The following ZSWIM4 variants were observed in gnomAD, a reference collection of about 807,000 sequenced individuals.
ZSWIM4 encodes the protein zinc finger SWIM-type containing 4, also known as zinc finger SWIM domain-containing protein 4.
ZSWIM4 carries 62 observed loss-of-function variants against 102.5 expected under a neutral mutation model. The ratio of observed to expected loss-of-function variants is 0.60; its 90% confidence interval spans 0.49 to 0.75. The LOEUF is 0.75. Ranked by LOEUF, ZSWIM4 falls within the 30% of genes least tolerant of loss-of-function variation. The pLI is 0.00. For missense variants in ZSWIM4, 1,280 were observed against 1,529.6 expected (o/e 0.84, Z 2.72); for synonymous variants, 652 against 674.5 (o/e 0.97, Z 0.52).
Position 13,811,802 on chromosome 19 carries a change from G to A in ZSWIM4, c.1013-1195G>A, listed in dbSNP as rs1277225316. On this transcript the variant is annotated intron_variant, in intron 5 of 13. Transcript: ENST00000590508. The stretch of plus-strand genomic sequence containing the variant: ...TTAAAACTGGAAAAATAGGCCGGGT[G>A]CAGTGGCTCACACCTTAATTCCAGC... Among the ~76,000 whole-genome samples the A allele has an allele frequency of 3.3e-5, 5 of 152,144 alleles. No individual in the cohort carries two copies. The East Asian group carries it at 5.8e-4, about 18-fold the overall frequency.
intron 3 of ZSWIM4, among the ~76,000 whole-genome samples, chr19:13,807,570 A>AGATG (rs56365536): frequency 0.46 from 65,233 of 140,728 alleles, 15,497 homozygotes; most frequent in South Asian, 0.52. Flanking sequence ...GTTTTGGGCA[A>AGATG]GATGGATGGA....
At chr19:13,810,068 C>T (rs1568332867) in intron 5 of ZSWIM4, among the ~76,000 whole-genome samples, 1 of 151,232 alleles carries the variant, frequency 6.6e-6, no homozygotes, top group Non-Finnish European at 1.5e-5. Context: ...TATCTTGGCT[C>T]ACTGCAAGCT....
chr19:13,812,851 G>A lies in ZSWIM4; in HGVS notation c.1013-146G>A, dbSNP rs536601290. On this transcript the variant is annotated intron_variant, in intron 5 of 13. Transcript: ENST00000590508. Reference sequence around the variant, plus strand: ...TCTCTGTGCCTCAGTTTGCTTGTCTGTAAGGTGCAAAGGCTGCGAGTTGCA... The same window carrying A: ...TCTCTGTGCCTCAGTTTGCTTGTCTATAAGGTGCAAAGGCTGCGAGTTGCA... The A allele has an allele frequency of 1.4e-4, 106 of 780,496 alleles. No homozygotes were observed. In the African/African-American group the frequency reaches 1.4e-3, roughly 10 times the overall value. 48.3% of individuals were successfully genotyped at this position (780,496 alleles called of 1,614,324 possible). A position where few individuals can be genotyped will look rare whatever the true frequency, so the allele number is the denominator to read the frequency against.
chr19:13,810,649 A>G (rs144059287), intron 5 of ZSWIM4, among the ~76,000 whole-genome samples: 2,744 of 142,598 alleles, frequency 0.019, 81 homozygotes, highest in African/African-American at 0.069. Flanking sequence ...TTGCTCTGTC[A>G]CCCAAGCTGG....
chr19:13,815,520 G>T (rs1975251859), intron 7 of ZSWIM4, among the ~76,000 whole-genome samples: 1 of 133,402 alleles, frequency 7.5e-6, no homozygotes, highest in South Asian at 2.4e-4. Context: ...GCCCAGTCTG[G>T]AGTGCAGTGG....
Position 13,830,850 on chromosome 19 carries a change from A to G in ZSWIM4, c.3121A>G (p.Ile1041Val). Reference protein sequence around the residue: ...QLLDAAVTAYITTSHSRLTHI... With the variant: ...QLLDAAVTAYVTTSHSRLTHI... ...CCTGGACGCGGCAGTCACCGCCTAC[A>G]TCACCACCAGCCACTCGCGCCTCAC... Residue 1041 changes from isoleucine to valine, a missense_variant, in exon 14 of 14, where the codon ATC (isoleucine) becomes GTC (valine). By Grantham distance (29) the Ile-to-Val change is conservative (BLOSUM62 3). Coordinates refer to ENST00000590508, the MANE Select transcript of ZSWIM4 (RefSeq NM_001367834.3). The G allele has an allele frequency of 6.2e-7, 1 of 1,613,130 alleles. No homozygotes were observed. The highest frequency in any genetic ancestry group is 8.5e-7 in the Non-Finnish European group (1 of 1,179,482).
At chr19:13,812,271 T>A (rs1453792653) in intron 5 of ZSWIM4, among the ~76,000 whole-genome samples, 4 of 151,732 alleles carry the variant, frequency 2.6e-5, no homozygotes, top group Non-Finnish European at 4.4e-5. Flanking sequence ...GAGGCCTGGT[T>A]TTTTTGTTTG....
At chr19:13,807,580 A>G (rs1456930096) in intron 3 of ZSWIM4, among the ~76,000 whole-genome samples, 1 of 146,504 alleles carries the variant, frequency 6.8e-6, no homozygotes, top group African/African-American at 2.7e-5. Flanking sequence ...AGATGGATGG[A>G]TGGATGGATG....
chr19:13,811,007 A>G (rs111295285), intron 5 of ZSWIM4, among the ~76,000 whole-genome samples: 2,629 of 106,186 alleles, frequency 0.025, 80 homozygotes, highest in African/African-American at 0.09. Flanking sequence ...TCCGCCCCCC[A>G]GGTTCACGCT....
chr19:13,828,696 C>A lies in ZSWIM4; in HGVS notation c.2431C>A (p.Arg811Ser). Residue 811 changes from arginine (R) to serine (S), a missense_variant, in exon 13 of 14, where the codon CGC (arginine) becomes AGC (serine). Arg to Ser is a moderately radical substitution (Grantham distance 110). Coordinates refer to ENST00000590508, the MANE Select transcript of ZSWIM4 (RefSeq NM_001367834.3). The stretch of plus-strand genomic sequence containing the variant: ...GACCTGGCGGCGGAGGGAGATGGTG[C>A]GCTGGCTGGTCAGCTGTGCCACAGA... ...VMTWRRREMV[R>S]WLVSCATEIG... is the part of the protein sequence containing the mutation. The A allele has an allele frequency of 6.2e-7, 1 of 1,614,132 alleles. No homozygotes were observed. The highest frequency in any genetic ancestry group is 8.5e-7 in the Non-Finnish European group (1 of 1,180,012).
rs345633 is a variant in ZSWIM4 at position 13,824,138 on chromosome 19, G to T, written c.2215+638G>T. Among the ~76,000 whole-genome samples the T allele has an allele frequency of 1.6e-3, 247 of 152,088 alleles. 3 individuals carry two copies. The highest frequency in any genetic ancestry group is 5.7e-3 in the African/African-American group (236 of 41,472). On this transcript the variant is annotated intron_variant, in intron 11 of 13. Coordinates refer to ENST00000590508, the MANE Select transcript of ZSWIM4 (RefSeq NM_001367834.3). ...AGGGAGAGAGAGGAGTCAGGTGCCA[G>T]AGAGGAGAGAGAGAAGAAAGAGAAG...
In ZSWIM4 at chr19:13,800,942, G is replaced by C. The variant is rs187893386; in HGVS notation, c.355+1021G>C. Among the ~76,000 whole-genome samples, 131 of 152,236 alleles carry C rather than the reference G, an allele frequency of 8.6e-4. 1 individual carries two copies. Among genetic ancestry groups the C allele is most frequent in the African/African-American group, 3.1e-3 (129 of 41,548 alleles). On this transcript the variant is annotated intron_variant, in intron 2 of 13. Transcript: ENST00000590508. Reference sequence around the variant, plus strand: ...AGATCACTTGAGGCCAAGAGTTCAAGACCAGCCTGGGCAACACAATGAGAC... The same window carrying C: ...AGATCACTTGAGGCCAAGAGTTCAACACCAGCCTGGGCAACACAATGAGAC...
chr19:13,830,674 T>C lies in ZSWIM4; in HGVS notation c.2945T>C (p.Ile982Thr). Residue 982 changes from isoleucine (I) to threonine (T), a missense_variant, in exon 14 of 14, where the codon ATC becomes ACC. Transcript: ENST00000590508. The part of the protein sequence containing the change: ...HSLGRHELSA[I>T]VPLIIRSIHC... ...CTGGGCCGGCACGAGCTCTCTGCCA[T>C]CGTCCCCCTCATCATTCGCAGCATC... is the stretch of plus-strand genomic sequence containing the variant. 1 of 1,604,542 alleles carries C rather than the reference T, an allele frequency of 6.2e-7. No individual in the cohort carries two copies. The highest frequency in any genetic ancestry group is 1.1e-5 in the South Asian group (1 of 90,980).
Position 13,795,552 on chromosome 19 carries a change from A to C in ZSWIM4, c.-97A>C. 12 of 210,558 alleles carry C rather than the reference A, an allele frequency of 5.7e-5. No homozygotes were observed. The highest frequency in any genetic ancestry group is 1.1e-4 in the Non-Finnish European group (12 of 108,046). The allele number at this position is 210,558 out of a possible 1,614,324, so 13.0% of individuals were successfully genotyped here. ...GGCCGAGCGCAGAGGACGGACGGGA[A>C]GGAGGGCAGGGGGCGCGGGAGCCGG... On this transcript the variant is annotated 5_prime_UTR_variant, in exon 1 of 14. Coordinates refer to ENST00000590508, the MANE Select transcript of ZSWIM4 (RefSeq NM_001367834.3).
chr19:13,799,693 C>A, intron 1 of ZSWIM4, 27 bp from the exon 2 acceptor site: 1 of 1,611,324 alleles, frequency 6.2e-7, no homozygotes, highest in Non-Finnish European at 8.5e-7. Context: ...CAACCCCAGG[C>A]TCCTAACCCA....
chr19:13,816,078 G>A (rs539535606), intron 7 of ZSWIM4, among the ~76,000 whole-genome samples: 6 of 151,650 alleles, frequency 4.0e-5, no homozygotes, highest in African/African-American at 1.5e-4. Context: ...GAGGGAAGGA[G>A]GCTGTATGAG....
chr19:13,817,896 T>A lies in ZSWIM4; in HGVS notation c.1844T>A (p.Leu615Gln). 1 of 1,549,056 alleles carries A rather than the reference T, an allele frequency of 6.5e-7. No individual in the cohort carries two copies. The highest frequency in any genetic ancestry group is 1.4e-5 in the African/African-American group (1 of 73,212). ...AAGGTGGTGCGCAACGAGGAGCAGC[T>A]GCTGGCCCTGCTGGAGGAGGTGGAG... ...QDKVVRNEEQ[L>Q]LALLEEVELD... is the part of the protein sequence containing the mutation. The change falls in exon 9 of 14, where the codon CTG (leucine) becomes CAG (glutamine). Residue 615 changes from leucine to glutamine, a missense_variant. By Grantham distance (113) the Leu-to-Gln change is moderately radical. Coordinates refer to ENST00000590508, the MANE Select transcript of ZSWIM4 (RefSeq NM_001367834.3).
Position 13,830,351 on chromosome 19 carries a change from C to G in ZSWIM4, c.2622C>G (p.Thr874=). 1 of 1,613,308 alleles carries G rather than the reference C, an allele frequency of 6.2e-7. No homozygotes were observed. The highest frequency in any genetic ancestry group is 8.5e-7 in the Non-Finnish European group (1 of 1,180,000). Residue 874 remains threonine (T), a synonymous_variant, in exon 14 of 14, where the codon ACC becomes ACG. Transcript: ENST00000590508. ...RREELWACAR[T]LALQCAMKDP... is the part of the protein sequence containing the mutation. ...AGGAGCTCTGGGCCTGCGCCCGCAC[C>G]CTGGCCTTGCAGTGCGCGATGAAGG...
At chr19:13,805,849 T>C (rs1974904999) in intron 3 of ZSWIM4, among the ~76,000 whole-genome samples, 1 of 151,044 alleles carries the variant, frequency 6.6e-6, no homozygotes, top group Admixed American at 6.6e-5. Context: ...TGGGTGCCTG[T>C]AGTCCCAGCC....
Sources: gnomAD v4.1 joint callset for allele counts (sites outside exome capture counted in the v4.1 genomes callset) on GRCh38, gnomAD v4.1.1 for gene constraint, MANE v1.5 for transcripts, NCBI Gene and HGNC (gene_info 2026-07-23, HGNC 2026-07-21) for gene names.